NCAPD3: variants seen among roughly 807,000 people sequenced by gnomAD.
The protein encoded by NCAPD3 is condensin-2 complex subunit D3.
NCAPD3 carries 105 observed loss-of-function variants against 182.9 expected under a neutral mutation model. That is an observed-to-expected ratio of 0.57 (90% CI 0.49 to 0.68). NCAPD3 has a LOEUF of 0.68. NCAPD3 is among the 30% of genes least tolerant of loss of function. The pLI is 0.00. For synonymous variants in NCAPD3, 815 were observed against 679.9 expected (o/e 1.20, Z -3.09); for missense variants, 1,944 against 1,837.0 (o/e 1.06, Z -1.07).
At chr11:134,176,470 C>T (rs1012472168) in intron 23 of NCAPD3, 84 bp from the exon 24 acceptor site, 18 of 1,146,022 alleles carry the variant, frequency 1.6e-5, no homozygotes, top group African/African-American at 1.2e-4. Flanking sequence ...ACCCACCACG[C>T]GGTCTGTCCC....
rs750796868 is a variant in NCAPD3, at chr11:134,152,906, G to C, written c.*38C>G. 3 of 1,469,086 alleles carry C rather than the reference G, an allele frequency of 2.0e-6. No individual in the cohort carries two copies. The South Asian group carries it at 4.1e-5, about 20-fold the overall frequency. 91.0% of individuals were successfully genotyped at this position (1,469,086 alleles called of 1,614,324 possible). On this transcript the variant is annotated 3_prime_UTR_variant, in exon 35 of 35. Transcript: ENST00000534548. ...GGAGGACACGAGACTGCTTCCTCAA[G>C]GGCTCCTGCCTGCCTGGACACTGGT...
rs1268811206 is a variant in NCAPD3, at chr11:134,158,321, C to A, written c.4034+8G>T. 1 of 1,613,854 alleles carries A rather than the reference C, an allele frequency of 6.2e-7. No homozygotes were observed. The highest frequency in any genetic ancestry group is 1.7e-5 in the Admixed American group (1 of 60,000). Reference sequence around the variant, plus strand: ...CCAGCCCTGATGTGGCCTCCAGGGGCTCTTTACCTGGCTTTGGGCAGCAAC... The same window carrying A: ...CCAGCCCTGATGTGGCCTCCAGGGGATCTTTACCTGGCTTTGGGCAGCAAC... On this transcript the variant is annotated splice_region_variant and intron_variant, in intron 30 of 34. Transcript: ENST00000534548.
intron 28 of NCAPD3, among the ~76,000 whole-genome samples, chr11:134,160,660 CA>C (rs1037363843): frequency 2.0e-5 from 3 of 152,140 alleles, no homozygotes; most frequent in African/African-American, 7.2e-5. Flanking sequence ...AGAGGGGTGC[CA>C]GGGGCAAGAC....
chr11:134,163,165 CAGA>C (rs942732988), intron 27 of NCAPD3, among the ~76,000 whole-genome samples: 1 of 152,176 alleles, frequency 6.6e-6, no homozygotes, highest in African/African-American at 2.4e-5. Context: ...AGGGTTTATT[CAGA>C]AGATGACAGG....
intron 24 of NCAPD3, among the ~76,000 whole-genome samples, chr11:134,172,119 T>C (rs911352919): frequency 6.6e-6 from 1 of 152,114 alleles, no homozygotes; most frequent in Admixed American, 6.5e-5. Flanking sequence ...GAGTGTGGGC[T>C]GGCTGCTGTT....
chr11:134,159,361 T>A (rs1698702889), intron 29 of NCAPD3, among the ~76,000 whole-genome samples: 1 of 152,242 alleles, frequency 6.6e-6, no homozygotes, highest in Non-Finnish European at 1.5e-5. Flanking sequence ...CCATAAGTAA[T>A]GTACTTTGAA....
At chr11:134,162,524 T>A (rs1285404938) in intron 27 of NCAPD3, among the ~76,000 whole-genome samples, 1 of 152,228 alleles carries the variant, frequency 6.6e-6, no homozygotes, top group Non-Finnish European at 1.5e-5. Flanking sequence ...AGCCCACATA[T>A]GCAAGATTTA....
chr11:134,168,317 G>T (rs779947780), intron 26 of NCAPD3, 122 bp from the exon 27 acceptor site: 1 of 1,465,466 alleles, frequency 6.8e-7, no homozygotes. Context: ...AGGGTGTTTT[G>T]TCTGGGGCAC....
At chr11:134,155,044 G>A (rs79506552) in intron 32 of NCAPD3, among the ~76,000 whole-genome samples, 3,728 of 152,218 alleles carry the variant, frequency 0.024, 156 homozygotes, top group African/African-American at 0.085. Flanking sequence ...ACAGAAGCCC[G>A]GGTGCGGGGG....
At chr11:134,191,893 G>A (rs922974838) in intron 16 of NCAPD3, among the ~76,000 whole-genome samples, 2 of 152,192 alleles carry the variant, frequency 1.3e-5, no homozygotes, top group African/African-American at 2.4e-5. Flanking sequence ...TTTCGCCTGC[G>A]GATGCTGAAC....
At position 134,194,621 on chromosome 11, in the gene NCAPD3, GT is replaced by G. The variant is rs992437424; in HGVS notation, c.1689+43del. 6 of 1,407,212 alleles carry G rather than the reference GT, an allele frequency of 4.3e-6. No individual in the cohort carries two copies. The African/African-American group carries it at 7.4e-5, about 17-fold the overall frequency. The allele number at this position is 1,407,212 out of a possible 1,614,324, so 87.2% of individuals were successfully genotyped here. On this transcript the variant is annotated intron_variant, in intron 14 of 34. Transcript: ENST00000534548. ...AAAAAATATTCCTTTGCATTTCCAA[GT>G]TTTTAGTGCTTAAAAAAAAAAATGT...
At chr11:134,223,995 T>C, upstream of NCAPD3, 3 of 1,565,808 alleles carry the variant, frequency 1.9e-6, 1 homozygote, top group South Asian at 2.3e-5. Flanking sequence ...GCGCGCCGAG[T>C]CGTTCCTGTG....
chr11:134,173,146 T>G (rs566019698), intron 24 of NCAPD3: 1 of 153,306 alleles, frequency 6.5e-6, no homozygotes, highest in Admixed American at 6.5e-5. Flanking sequence ...GAAGTGACCA[T>G]CGTCCAGATG....
chr11:134,179,327 G>A (rs1944241884), intron 20 of NCAPD3, among the ~76,000 whole-genome samples: 1 of 151,984 alleles, frequency 6.6e-6, no homozygotes, highest in South Asian at 2.1e-4. Context: ...CTATAGTCAC[G>A]TGGCTTTATG....
intron 3 of NCAPD3, among the ~76,000 whole-genome samples, chr11:134,212,910 T>G (rs1937889368): frequency 6.6e-6 from 1 of 151,546 alleles, no homozygotes; most frequent in Admixed American, 6.6e-5. Flanking sequence ...AAAAAACAGG[T>G]TTAAAGAAAT....
chr11:134,171,911 A>C (rs1199662697), intron 24 of NCAPD3, among the ~76,000 whole-genome samples: 1 of 152,156 alleles, frequency 6.6e-6, no homozygotes, highest in Non-Finnish European at 1.5e-5. Flanking sequence ...CCGGACCCCC[A>C]GTGCCTTCCT....
rs1464884151 is a variant in NCAPD3, at chr11:134,152,915, C to T, written c.*29G>A. The T allele has an allele frequency of 3.3e-6, 5 of 1,497,616 alleles. No individual in the cohort carries two copies. The highest frequency in any genetic ancestry group is 4.5e-6 in the Non-Finnish European group (5 of 1,115,570). The allele number at this position is 1,497,616 out of a possible 1,614,324, so 92.8% of individuals were successfully genotyped here. On this transcript the variant is annotated 3_prime_UTR_variant, in exon 35 of 35. Coordinates refer to ENST00000534548, the MANE Select transcript of NCAPD3 (RefSeq NM_015261.3). ...GAGACTGCTTCCTCAAGGGCTCCTG[C>T]CTGCCTGGACACTGGTGGGAGGCGC...
intron 27 of NCAPD3, 110 bp from the exon 28 acceptor site, chr11:134,162,001 T>C (rs1277331726): frequency 8.4e-6 from 5 of 593,462 alleles, no homozygotes; most frequent in East Asian, 3.0e-5. Context: ...TGTAAGTTTA[T>C]TTTTGCTTTT....
Position 134,207,742 on chromosome 11 carries a change from C to CAAAAAAAAAAAAAAAAAA in NCAPD3, c.883-1028_883-1011dup. Among the ~76,000 whole-genome samples the CAAAAAAAAAAAAAAAAAA allele has an allele frequency of 3.2e-5, 2 of 62,100 alleles. 1 individual carries two copies. The highest frequency in any genetic ancestry group is 6.2e-5 in the Non-Finnish European group (2 of 32,248). The allele number at this position is 62,100 out of a possible 152,430, so 40.7% of individuals were successfully genotyped here. A position where few individuals can be genotyped will look rare whatever the true frequency, so the allele number is the denominator to read the frequency against. ...CTGGTGTCAGAGCGAGACTGCGTCT[C>CAAAAAAAAAAAAAAAAAA]AAAAAAAAAAAAAAAAAAAAAAAAA... On this transcript the variant is annotated intron_variant, in intron 7 of 34. Coordinates refer to ENST00000534548, the MANE Select transcript of NCAPD3 (RefSeq NM_015261.3).
Sources: gnomAD v4.1 joint callset for allele counts (sites outside exome capture counted in the v4.1 genomes callset) on GRCh38, gnomAD v4.1.1 for gene constraint, MANE v1.5 for transcripts, NCBI Gene and HGNC (gene_info 2026-07-23, HGNC 2026-07-21) for gene names.